The following TTLL6 variants were observed in gnomAD, a reference collection of about 807,000 sequenced individuals.
The protein encoded by TTLL6 is tubulin tyrosine ligase like 6, also known as tubulin polyglutamylase TTLL6.
A neutral mutation model predicts 96.4 loss-of-function variants in TTLL6; 75 were observed. That is an observed-to-expected ratio of 0.78 (90% CI 0.65 to 0.94). The LOEUF is 0.94. TTLL6 is among the 40% of genes least tolerant of loss of function. The pLI is 0.00. For missense variants in TTLL6, 1,030 were observed against 1,093.0 expected (o/e 0.94, Z 0.81); for synonymous variants, 411 against 419.4 (o/e 0.98, Z 0.24).
At chr17:48,816,872 C>A in intron 1 of TTLL6, 98 bp downstream of exon 1, 1 of 896,126 alleles carries the variant, frequency 1.1e-6, no homozygotes. Flanking sequence ...ACCTGGGTCC[C>A]GTGTGGGTTT....
At chr17:48,803,656 T>C (rs942231808) in intron 3 of TTLL6, among the ~76,000 whole-genome samples, 1 of 152,200 alleles carries the variant, frequency 6.6e-6, no homozygotes, top group African/African-American at 2.4e-5. Context: ...CCCAAATCAC[T>C]ATATATAAGA....
At chr17:48,767,740 C>T (rs8078172) in intron 15 of TTLL6, among the ~76,000 whole-genome samples, 4,516 of 152,236 alleles carry the variant, frequency 0.03, 212 homozygotes, top group African/African-American at 0.1. Flanking sequence ...TATGACCTTC[C>T]CTCAGAAGCA....
chr17:48,790,221 C>T, intron 9 of TTLL6, 115 bp from the exon 10 acceptor site: 1 of 1,123,026 alleles, frequency 8.9e-7, no homozygotes, highest in Non-Finnish European at 1.3e-6. Context: ...CCCTCACTAC[C>T]AAGATGAAAG....
chr17:48,783,683 G>A (rs923530100), intron 13 of TTLL6, among the ~76,000 whole-genome samples: 1 of 151,982 alleles, frequency 6.6e-6, no homozygotes, highest in Non-Finnish European at 1.5e-5. Context: ...CATCTGCTTC[G>A]GCCTCCCAAA....
chr17:48,799,774 G>C lies in TTLL6; in HGVS notation c.612-14C>G. 6.4e-7 allele frequency: 1 copy of C among 1,550,834 alleles called. No individual in the cohort carries two copies. The highest frequency in any genetic ancestry group is 8.7e-7 in the Non-Finnish European group (1 of 1,146,530). Reference sequence around the variant, plus strand: ...AAATCTCCCCAGCTACCAGAGCAGGGAGGGAACAAGATACATCTTTAGCTG... The same window carrying C: ...AAATCTCCCCAGCTACCAGAGCAGGCAGGGAACAAGATACATCTTTAGCTG... On this transcript the variant is annotated splice_polypyrimidine_tract_variant and intron_variant, in intron 5 of 15. Transcript: ENST00000393382.
In TTLL6 at chr17:48,799,750, A is replaced by G; in HGVS notation, c.622T>C (p.Leu208=). 1 of 1,551,664 alleles carries G rather than the reference A, an allele frequency of 6.4e-7. No homozygotes were observed. Reference sequence around the variant, plus strand: ...TTTCTTGACCTGCTGTAGGTCTGCAAATCTCCCCAGCTACCAGAGCAGGGA... The same window carrying G: ...TTTCTTGACCTGCTGTAGGTCTGCAGATCTCCCCAGCTACCAGAGCAGGGA... ...TWCLPADWGD[L]QTYSRSRKNK... is the part of the protein sequence containing the mutation. The change falls in exon 6 of 16, where the codon TTG becomes CTG. Residue 208 remains leucine (L), a synonymous_variant. Transcript: ENST00000393382.
At position 48,789,963 on chromosome 17, in the gene TTLL6, C is replaced by T. The variant is rs760630844; in HGVS notation, c.1368G>A (p.Gln456=). 7 of 1,614,228 alleles carry T rather than the reference C, an allele frequency of 4.3e-6. No individual in the cohort carries two copies. The highest frequency in any genetic ancestry group is 1.1e-5 in the South Asian group (1 of 91,084). The part of the protein sequence containing the change: ...KVLEEERQRG[Q]FLQQCCSREM... ...CCCGAGAACAACACTGCTGCAGGAA[C>T]TGCCCCCGTTGTCTCTCCTCCTCCA... is the stretch of plus-strand genomic sequence containing the variant. The change falls in exon 10 of 16, where the codon CAG becomes CAA. Residue 456 remains glutamine, a synonymous_variant. Transcript: ENST00000393382.
intron 1 of TTLL6, among the ~76,000 whole-genome samples, chr17:48,808,798 T>C (rs2039541384): frequency 6.6e-6 from 1 of 152,160 alleles, no homozygotes; most frequent in Non-Finnish European, 1.5e-5. Context: ...CTCAAACTCC[T>C]GACCTCAAAC....
Position 48,785,161 on chromosome 17 carries a change from A to G in TTLL6, c.1802T>C (p.Leu601Ser). Residue 601 changes from leucine to serine, a missense_variant, in exon 13 of 16, where the codon TTG (leucine) becomes TCG (serine). Physicochemically the swap from Leu to Ser is moderately radical, Grantham distance 145. Transcript: ENST00000393382. ...CCTTTCACCTCTGACACTCAAGAGC[A>G]AGTCAGGTGTGTAGGATACTAATGT... ...PLTLVSYTPD[L>S]LLSVRGERKN... The G allele has an allele frequency of 6.2e-7, 1 of 1,614,142 alleles. No homozygotes were observed. Among genetic ancestry groups the G allele is most frequent in the Non-Finnish European group, 8.5e-7 (1 of 1,180,036 alleles).
At chr17:48,766,691 C>G (rs1042172927) in intron 15 of TTLL6, among the ~76,000 whole-genome samples, 9 of 152,160 alleles carry the variant, frequency 5.9e-5, no homozygotes, top group Admixed American at 4.6e-4. Flanking sequence ...TGGCAAAACC[C>G]TATATCTACT....
At chr17:48,763,561 C>G (rs911310965) in intron 15 of TTLL6, among the ~76,000 whole-genome samples, 1 of 152,186 alleles carries the variant, frequency 6.6e-6, no homozygotes, top group Non-Finnish European at 1.5e-5. Flanking sequence ...CTTTGGGAGG[C>G]TGAGGCAGGT....
chr17:48,777,800 C>G (rs7208664), intron 13 of TTLL6, among the ~76,000 whole-genome samples: 1 of 150,638 alleles, frequency 6.6e-6, no homozygotes, highest in Non-Finnish European at 1.5e-5. Context: ...AGTCCCAGCT[C>G]CTCAGGAGGC....
intron 13 of TTLL6, 126 bp downstream of exon 13, chr17:48,784,797 G>T: frequency 1.4e-6 from 1 of 710,472 alleles, no homozygotes; most frequent in South Asian, 1.8e-5. Context: ...GGCTTCTCAA[G>T]GGGAGACACC....
At chr17:48,805,348 T>A (rs895797038) in intron 1 of TTLL6, among the ~76,000 whole-genome samples, 2 of 152,182 alleles carry the variant, frequency 1.3e-5, no homozygotes, top group Admixed American at 6.5e-5. Context: ...CTGAGAGAGT[T>A]AGTCCTAGAG....
Position 48,784,990 on chromosome 17 carries a change from C to T in TTLL6, c.1973G>A (p.Ser658Asn). The change falls in exon 13 of 16, where the codon AGT becomes AAT. Residue 658 changes from serine (S) to asparagine (N), a missense_variant. Ser to Asn is a conservative substitution (Grantham distance 46). Coordinates refer to ENST00000393382, the MANE Select transcript of TTLL6 (RefSeq NM_001130918.3). Reference sequence around the variant, plus strand: ...CTCCTTGATGCTGAAGTTGGGTTTACTGGGCTCCAACTTCGAGCTGCTGAG... The same window carrying T: ...CTCCTTGATGCTGAAGTTGGGTTTATTGGGCTCCAACTTCGAGCTGCTGAG... ...INLSSSKLEP[S>N]KPNFSIKEAK... The T allele has an allele frequency of 1.9e-6, 3 of 1,614,202 alleles. No homozygotes were observed. The highest frequency in any genetic ancestry group is 2.5e-6 in the Non-Finnish European group (3 of 1,180,034).
intron 3 of TTLL6, 40 bp from the exon 4 acceptor site, chr17:48,801,683 G>C: frequency 6.7e-7 from 1 of 1,494,822 alleles, no homozygotes; most frequent in Non-Finnish European, 9.1e-7. Context: ...AGGAAGTGGG[G>C]GAGGAGTATG....
intron 13 of TTLL6, among the ~76,000 whole-genome samples, chr17:48,772,956 A>G (rs2038778547): frequency 8.1e-6 from 1 of 122,826 alleles, no homozygotes; most frequent in South Asian, 2.4e-4. Flanking sequence ...GTAAGCTGTA[A>G]TTGTGTCACT....
At chr17:48,778,750 T>C (rs1038334061) in intron 13 of TTLL6, among the ~76,000 whole-genome samples, 1 of 151,504 alleles carries the variant, frequency 6.6e-6, no homozygotes, top group Non-Finnish European at 1.5e-5. Flanking sequence ...ACCGACATAG[T>C]GAAACCCCGT....
chr17:48,779,317 G>A (rs1469590365), intron 13 of TTLL6, among the ~76,000 whole-genome samples: 1 of 124,042 alleles, frequency 8.1e-6, no homozygotes, highest in African/African-American at 3.1e-5. Context: ...CTGTGCTATT[G>A]CACTCTAGCT....
Sources: allele counts gnomAD v4.1 joint callset (sites outside exome capture counted in the v4.1 genomes callset), GRCh38; gene constraint gnomAD v4.1.1; transcripts MANE v1.5; gene names NCBI Gene and HGNC (gene_info 2026-07-23, HGNC 2026-07-21).